SLC36A1: variants seen among roughly 807,000 people sequenced by gnomAD.
The protein encoded by SLC36A1 is solute carrier family 36 member 1.
A neutral mutation model predicts 47.5 loss-of-function variants in SLC36A1; 30 were observed. The observed-to-expected ratio is 0.63, with a 90% CI of 0.47 to 0.86. SLC36A1 has a LOEUF of 0.86. Among genes scored for constraint, SLC36A1 ranks in the 40% least tolerant of loss-of-function variants. The pLI is 0.00. For synonymous variants in SLC36A1, 255 were observed against 249.7 expected, an observed-to-expected ratio of 1.02 and a Z score of -0.20; for missense variants, 517 against 606.0, an observed-to-expected ratio of 0.85 and a Z score of 1.54.
At chr5:151,547,981 A>T in the SLC36A1 span, among the ~76,000 whole-genome samples, 1,473 of 152,338 alleles carry the variant, frequency 9.7e-3, 21 homozygotes, top group African/African-American at 0.034. Context: ...AAACTAATCT[A>T]ATCTGGAAAA....
chr5:151,545,798 T>C, the SLC36A1 span: 4 of 1,614,122 alleles, frequency 2.5e-6, no homozygotes, highest in African/African-American at 4.0e-5. Flanking sequence ...TTATCCATGA[T>C]CATGCTATAC....
downstream of SLC36A1, among the ~76,000 whole-genome samples, chr5:151,493,300 G>A (rs1323477563): frequency 6.6e-6 from 1 of 152,068 alleles, no homozygotes; most frequent in African/African-American, 2.4e-5. Flanking sequence ...CACTAGCCAG[G>A]TGTGCTCCAA....
chr5:151,505,858 G>T, the SLC36A1 span: 16 of 1,609,480 alleles, frequency 9.9e-6, no homozygotes, highest in Non-Finnish European at 1.4e-5. Flanking sequence ...GGCCGAGAGG[G>T]CATCAGATCT....
the SLC36A1 span, chr5:151,545,985 G>T: frequency 6.2e-7 from 1 of 1,614,036 alleles, no homozygotes; most frequent in Non-Finnish European, 8.5e-7. Context: ...ATTTCTTCTG[G>T]GTGGAAATAA....
chr5:151,423,388 A>T, the SLC36A1 span, among the ~76,000 whole-genome samples: 2 of 152,348 alleles, frequency 1.3e-5, no homozygotes, highest in African/African-American at 4.8e-5. Flanking sequence ...AGCAAACAAA[A>T]TGTCCTTCGG....
chr5:151,494,962 C>T (rs1760296395), downstream of SLC36A1, among the ~76,000 whole-genome samples: 1 of 152,154 alleles, frequency 6.6e-6, no homozygotes, highest in South Asian at 2.1e-4. Context: ...TATAAATACT[C>T]ATGTACAGGT....
chr5:151,451,168 G>C (rs1354916502), intron 1 of SLC36A1: 1 of 151,896 alleles, frequency 6.6e-6, no homozygotes, highest in African/African-American at 2.4e-5. Flanking sequence ...TCTCTTGGAA[G>C]CCTTGACACC....
Position 151,489,857 on chromosome 5 carries a change from CTG to C in SLC36A1, c.*1605_*1606del, listed in dbSNP as rs1185324799. The C allele has an allele frequency of 1.3e-5, 2 of 152,204 alleles. No individual in the cohort carries two copies. The highest frequency in any genetic ancestry group is 2.9e-5 in the Non-Finnish European group (2 of 68,062). The allele number at this position is 152,204 out of a possible 1,614,324, so 9.4% of individuals were successfully genotyped here. On this transcript the variant is annotated 3_prime_UTR_variant, in exon 11 of 11. Transcript: ENST00000243389. The surrounding 1 kb of genome is among the most constrained non-coding windows in gnomAD (Gnocchi z 4.5). The stretch of plus-strand genomic sequence containing the variant: ...TAACAGACCAGACTCCTTTTCTCTT[CTG>C]TCCCGTCACCAGGCTCTTGCTTCAC...
At chr5:151,457,222 C>T (rs575263821) in intron 1 of SLC36A1, among the ~76,000 whole-genome samples, 6 of 152,048 alleles carry the variant, frequency 3.9e-5, no homozygotes, top group African/African-American at 1.2e-4. Context: ...CAGGAGATAA[C>T]GTTTTCTGCT....
chr5:151,358,951 G>A, the SLC36A1 span, among the ~76,000 whole-genome samples: 2 of 143,508 alleles, frequency 1.4e-5, no homozygotes, highest in East Asian at 4.0e-4. Flanking sequence ...TCCGCAGTCC[G>A]GCCTGGGCGA....
upstream of SLC36A1, among the ~76,000 whole-genome samples, chr5:151,445,136 A>G (rs1424347122): frequency 4.0e-5 from 6 of 151,370 alleles, no homozygotes; most frequent in African/African-American, 1.5e-4. Flanking sequence ...TACCTAAACT[A>G]TTGAGAGTTT....
At chr5:151,545,500 A>G in the SLC36A1 span, 3 of 1,614,110 alleles carry the variant, frequency 1.9e-6, no homozygotes, top group South Asian at 3.3e-5. Flanking sequence ...TACCTCATAT[A>G]TCTGTTCTGA....
At chr5:151,351,549 C>T in the SLC36A1 span, among the ~76,000 whole-genome samples, 85 of 152,058 alleles carry the variant, frequency 5.6e-4, no homozygotes, top group Non-Finnish European at 1.1e-3. Context: ...TTCTGGTGAA[C>T]GGGAATGGGG....
the SLC36A1 span, chr5:151,546,448 G>T: frequency 2.8e-6 from 2 of 711,158 alleles, no homozygotes; most frequent in African/African-American, 3.5e-5. Flanking sequence ...AGCAAAATCT[G>T]CATATAGTGT....
chr5:151,356,495 T>C, the SLC36A1 span, among the ~76,000 whole-genome samples: 10 of 152,210 alleles, frequency 6.6e-5, 1 homozygote, highest in South Asian at 8.3e-4. Context: ...ATCTTTGTGT[T>C]CCCTTTCATC....
chr5:151,371,305 AC>A, the SLC36A1 span, among the ~76,000 whole-genome samples: 1 of 152,224 alleles, frequency 6.6e-6, no homozygotes, highest in Admixed American at 6.5e-5. Context: ...TTTTCTATAA[AC>A]TATATTCATT....
chr5:151,554,806 A>G, the SLC36A1 span: 17 of 721,206 alleles, frequency 2.4e-5, no homozygotes, highest in South Asian at 2.8e-4. Flanking sequence ...AACTTCACCT[A>G]CTTGGAACTC....
At chr5:151,526,705 C>G in the SLC36A1 span, among the ~76,000 whole-genome samples, 1 of 152,092 alleles carries the variant, frequency 6.6e-6, no homozygotes, top group African/African-American at 2.4e-5. Flanking sequence ...TAACCCATAC[C>G]CATAATATAT....
At chr5:151,527,267 T>A in the SLC36A1 span, 29 of 1,612,886 alleles carry the variant, frequency 1.8e-5, no homozygotes, top group Middle Eastern at 8.3e-4. Context: ...GCTGGAAGAA[T>A]CTCGGTGGGT....
Sources: allele counts gnomAD v4.1 joint callset (sites outside exome capture counted in the v4.1 genomes callset), GRCh38; gene constraint gnomAD v4.1.1; non-coding constraint Gnocchi (gnomAD v3.1); transcripts MANE v1.5; gene names NCBI Gene and HGNC (gene_info 2026-07-23, HGNC 2026-07-21).